Variants in SEL1L observed in about 807,000 individuals in gnomAD.
SEL1L encodes the protein protein sel-1 homolog 1.
SEL1L carries 52 observed loss-of-function variants against 109.8 expected under a neutral mutation model. That is an observed-to-expected ratio of 0.47 (90% CI 0.38 to 0.60). SEL1L has a LOEUF of 0.60. SEL1L is among the 20% of genes least tolerant of loss of function. The pLI is 0.00. For synonymous variants in SEL1L, 373 were observed against 339.6 expected (o/e 1.10, Z -1.08); for missense variants, 749 against 962.2 (o/e 0.78, Z 2.93).
intron 3 of SEL1L, among the ~76,000 whole-genome samples, chr14:81,526,218 G>T (rs986256549): frequency 6.6e-6 from 1 of 152,132 alleles, no homozygotes; most frequent in Non-Finnish European, 1.5e-5. Flanking sequence ...GTTTTAAATT[G>T]AAAAGTAGAG....
At chr14:81,533,114 G>A (rs1237030162) in intron 1 of SEL1L, among the ~76,000 whole-genome samples, 3 of 152,148 alleles carry the variant, frequency 2.0e-5, no homozygotes, top group Non-Finnish European at 4.4e-5. Flanking sequence ...ACTGTGACAG[G>A]TCACCGCTTT....
intron 1 of SEL1L, 96 bp from the exon 2 acceptor site, chr14:81,527,834 C>A: frequency 9.5e-6 from 7 of 737,494 alleles, no homozygotes; most frequent in South Asian, 5.8e-5. Flanking sequence ...AAATAATAAT[C>A]AAACATTGGA....
At chr14:81,499,936 C>T (rs2057062416) in intron 6 of SEL1L, among the ~76,000 whole-genome samples, 4 of 119,110 alleles carry the variant, frequency 3.4e-5, no homozygotes, top group South Asian at 2.8e-4. Flanking sequence ...GACAGGGTAT[C>T]ACTCTGTCAT....
chr14:81,526,702 A>G, intron 3 of SEL1L, 31 bp downstream of exon 3: 5 of 1,571,940 alleles, frequency 3.2e-6, no homozygotes, highest in Non-Finnish European at 4.4e-6. Flanking sequence ...CCCCTAAATA[A>G]ATCAAAAAGC....
intron 3 of SEL1L, among the ~76,000 whole-genome samples, chr14:81,521,375 C>T (rs1884900933): frequency 1.3e-5 from 2 of 152,068 alleles, no homozygotes; most frequent in East Asian, 3.9e-4. Flanking sequence ...TACGAAAGAT[C>T]ACCAGGATCT....
intron 3 of SEL1L, among the ~76,000 whole-genome samples, chr14:81,509,784 C>T (rs1324284362): frequency 1.3e-5 from 2 of 152,070 alleles, no homozygotes; most frequent in African/African-American, 4.8e-5. Flanking sequence ...TGTAAAGGTC[C>T]ATATCTTCAG....
chr14:81,512,232 G>C (rs1884509958), intron 3 of SEL1L, among the ~76,000 whole-genome samples: 1 of 152,208 alleles, frequency 6.6e-6, no homozygotes, highest in African/African-American at 2.4e-5. Context: ...TTGAAGGACT[G>C]AGCAGAATGA....
chr14:81,506,958 A>T (rs10137272), intron 3 of SEL1L, among the ~76,000 whole-genome samples: 3,817 of 152,260 alleles, frequency 0.025, 155 homozygotes, highest in African/African-American at 0.087. Context: ...GATGCTATGG[A>T]AAGGAAAGCC....
chr14:81,487,614 A>C, intron 15 of SEL1L, 76 bp from the exon 16 acceptor site: 11 of 1,543,764 alleles, frequency 7.1e-6, no homozygotes, highest in Non-Finnish European at 9.6e-6. Context: ...TTATATATGA[A>C]GAATAAAACT....
intron 3 of SEL1L, among the ~76,000 whole-genome samples, chr14:81,508,143 T>C (rs891633421): frequency 6.6e-6 from 1 of 152,196 alleles, no homozygotes; most frequent in Non-Finnish European, 1.5e-5. Context: ...ATCCCTTCTA[T>C]CTTTCCAGTG....
intron 11 of SEL1L, among the ~76,000 whole-genome samples, chr14:81,494,776 T>C (rs12590714): frequency 1.1e-4 from 16 of 152,222 alleles, no homozygotes; most frequent in African/African-American, 3.9e-4. Context: ...CCACAATTTA[T>C]ATTTGGTGTG....
rs1311932326 is a variant in SEL1L, at chr14:81,484,211, G to A, written c.2046+14C>T. 1.3e-6 allele frequency: 2 copies of A among 1,587,568 alleles called. No individual in the cohort carries two copies. Among genetic ancestry groups the A allele is most frequent in the African/African-American group, 1.3e-5 (1 of 74,554 alleles). ...CAATTATGTGATTCAAACGTGTTTG[G>A]AAGCCACACTCACCTGTTTAATGCC... On this transcript the variant is annotated intron_variant, in intron 19 of 20. Transcript: ENST00000336735.
In SEL1L at chr14:81,480,469, A is replaced by G. The variant is rs1264102177; in HGVS notation, c.2047-729T>C. 5.9e-5 allele frequency among the ~76,000 whole-genome samples: 9 copies of G among 152,238 alleles called. No individual in the cohort carries two copies. In the East Asian group the frequency reaches 1.7e-3, roughly 30 times the overall value. On this transcript the variant is annotated intron_variant, in intron 19 of 20. Coordinates refer to ENST00000336735, the MANE Select transcript of SEL1L (RefSeq NM_005065.6). The stretch of plus-strand genomic sequence containing the variant: ...CTCCCAAAGTGGGCTCATTCTTATA[A>G]TCCCAACACTTTGGGAGAGCGAGGC...
rs1174493512 is a variant in SEL1L at position 81,476,788 on chromosome 14, G to A, written c.*184C>T. ...GAAACAAACATTCAGCTCAGTTTAG[G>A]TAAGAGTTACTTATCCCTGAAAATA... On this transcript the variant is annotated 3_prime_UTR_variant, in exon 21 of 21. Transcript: ENST00000336735. 3 of 597,970 alleles carry A rather than the reference G, an allele frequency of 5.0e-6. No homozygotes were observed. In the Admixed American group the frequency reaches 8.9e-5, roughly 18 times the overall value. The allele number at this position is 597,970 out of a possible 1,614,324, so 37.0% of individuals were successfully genotyped here.
At chr14:81,527,363 A>C (rs1885152233) in intron 2 of SEL1L, among the ~76,000 whole-genome samples, 1 of 151,944 alleles carries the variant, frequency 6.6e-6, no homozygotes, top group South Asian at 2.1e-4. Context: ...TCAACCAATA[A>C]GTGCATTAGC....
intron 16 of SEL1L, 111 bp from the exon 17 acceptor site, chr14:81,486,565 T>G (rs1318519799): frequency 5.0e-6 from 5 of 996,646 alleles, no homozygotes; most frequent in Non-Finnish European, 7.2e-6. Context: ...TCCTTCAATT[T>G]CTGGCAGCTT....
intron 14 of SEL1L, 79 bp downstream of exon 14, chr14:81,489,173 T>C: frequency 7.8e-7 from 1 of 1,290,114 alleles, no homozygotes; most frequent in Non-Finnish European, 1.1e-6. Flanking sequence ...CTGGGCTGAC[T>C]GGAAGCTAAT....
At chr14:81,498,210 T>A (rs1278834070) in intron 9 of SEL1L, 164 bp from the exon 10 acceptor site, 1 of 856,340 alleles carries the variant, frequency 1.2e-6, no homozygotes, top group Non-Finnish European at 1.7e-6. Context: ...TATTAATAAA[T>A]TGAACTTTTT....
intron 20 of SEL1L, among the ~76,000 whole-genome samples, chr14:81,478,874 C>T (rs191756672): frequency 6.6e-6 from 1 of 152,330 alleles, no homozygotes; most frequent in East Asian, 1.9e-4. Flanking sequence ...GGTGAAACAT[C>T]ATCCTTTTCT....
Sources: gnomAD v4.1 joint callset for allele counts (sites outside exome capture counted in the v4.1 genomes callset) on GRCh38, gnomAD v4.1.1 for gene constraint, MANE v1.5 for transcripts, NCBI Gene and HGNC (gene_info 2026-07-23, HGNC 2026-07-21) for gene names.